The following MICAL1 variants were observed in gnomAD, a reference collection of about 807,000 sequenced individuals.
MICAL1 encodes microtubule associated monooxygenase, calponin and LIM domain containing 1.
In MICAL1, 95 loss-of-function variants were observed where a neutral mutation model predicts 131.8. The ratio of observed to expected loss-of-function variants is 0.72; its 90% CI spans 0.61 to 0.86. MICAL1 has a LOEUF of 0.86. Among genes scored for constraint, MICAL1 ranks in the 40% least tolerant of loss-of-function variants. The probability of loss-of-function intolerance (pLI) is 0.00; values close to 1 mark genes in which losing one functional copy is unlikely to be tolerated. For missense variants in MICAL1, 1,292 were observed against 1,380.6 expected (o/e 0.94, Z 1.02); for synonymous variants, 546 against 554.2 (o/e 0.99, Z 0.21).
intron 7 of MICAL1, among the ~76,000 whole-genome samples, chr6:109,451,346 G>A (rs9480960): frequency 0.016 from 2,429 of 152,156 alleles, 74 homozygotes; most frequent in African/African-American, 0.056. Flanking sequence ...TAGAGACGGG[G>A]TTTCACCATG....
chr6:109,454,722 C>A, intron 1 of MICAL1: 1 of 161,164 alleles, frequency 6.2e-6, no homozygotes, highest in Non-Finnish European at 1.4e-5. Context: ...GCCGGCGCCC[C>A]TTGATGGCCT....
rs370897987 is a variant in MICAL1 at position 109,455,734 on chromosome 6, C to T, written c.-59G>A. ...GACGACTTACCGGCGGCTCCGAAGC[C>T]GGGAGGGGCCGCTTCCTGTTGGGCT... On this transcript the variant is annotated 5_prime_UTR_variant, in exon 1 of 25. Transcript: ENST00000358807. This position sits in a 1 kb window ranked among gnomAD's most constrained non-coding sequence, Gnocchi z 4.7. The T allele has an allele frequency of 4.3e-4, 403 of 947,898 alleles. 1 individual carries two copies. In the African/African-American group the frequency reaches 7.6e-3, roughly 18 times the overall value. 58.7% of individuals were successfully genotyped at this position (947,898 alleles called of 1,614,324 possible). A position where few individuals can be genotyped will look rare whatever the true frequency, so the allele number is the denominator to read the frequency against.
intron 15 of MICAL1, 34 bp from the exon 16 acceptor site, chr6:109,447,474 A>G (rs755168111): frequency 1.9e-6 from 3 of 1,593,912 alleles, no homozygotes; most frequent in Non-Finnish European, 2.6e-6. Flanking sequence ...GGGAGGGTAG[A>G]GGGGCAGGGC....
chr6:109,447,994 T>C (rs1562288839), intron 13 of MICAL1, 31 bp from the exon 14 acceptor site: 1 of 1,575,248 alleles, frequency 6.3e-7, no homozygotes, highest in Admixed American at 1.8e-5. Context: ...TCAGTGTGGA[T>C]GGGGGGTGCC....
In MICAL1 at chr6:109,448,797, C is replaced by T. The variant is rs142979809; in HGVS notation, c.1599G>A (p.Leu533=). ...AGYPGVHVSD[L]SSSWADGLAL... The stretch of plus-strand genomic sequence containing the variant: ...CTAGCCCATCAGCCCAGGAGGAAGA[C>T]AAATCGGAGACGTGGACTCCCGGGT... Residue 533 remains leucine, a synonymous_variant, in exon 12 of 25, where the codon TTG becomes TTA. Transcript: ENST00000358807. 2.6e-3 allele frequency: 4,204 copies of T among 1,614,092 alleles called. 10 individuals carry two copies. Among genetic ancestry groups the T allele is most frequent in the Middle Eastern group, 8.7e-3 (53 of 6,058 alleles).
At chr6:109,458,280 A>G (rs1775806396), upstream of MICAL1, among the ~76,000 whole-genome samples, 1 of 152,122 alleles carries the variant, frequency 6.6e-6, no homozygotes, top group Non-Finnish European at 1.5e-5. Context: ...TAAGTGGGTG[A>G]CACATGAAGT....
chr6:109,448,727 C>A lies in MICAL1; in HGVS notation c.1664+5G>T. 6.2e-7 allele frequency: 1 copy of A among 1,613,900 alleles called. No individual in the cohort carries two copies. The highest frequency in any genetic ancestry group is 1.1e-5 in the South Asian group (1 of 91,088). On this transcript the variant is annotated splice_donor_5th_base_variant and intron_variant, in intron 12 of 24. Coordinates refer to ENST00000358807, the MANE Select transcript of MICAL1 (RefSeq NM_022765.4). ...GAGAGAGAGGTGGGTCTGCCAGGGA[C>A]TCACAGCAGGCCAGGCTGCAGCCGG...
At chr6:109,448,462 G>A in intron 12 of MICAL1, 69 bp from the exon 13 acceptor site, 1 of 1,557,456 alleles carries the variant, frequency 6.4e-7, no homozygotes, top group Non-Finnish European at 8.8e-7. Context: ...AGGAAGGGCA[G>A]CAGGAGGGGA....
At chr6:109,458,743 T>G (rs1775817495), upstream of MICAL1, among the ~76,000 whole-genome samples, 1 of 152,214 alleles carries the variant, frequency 6.6e-6, no homozygotes, top group Non-Finnish European at 1.5e-5. Context: ...TCTTATCTCC[T>G]GGGCCCAGAA....
In MICAL1 at chr6:109,447,108, A is replaced by G; in HGVS notation, c.2192T>C (p.Leu731Pro). The G allele has an allele frequency of 6.2e-7, 1 of 1,614,124 alleles. No homozygotes were observed. Among genetic ancestry groups the G allele is most frequent in the Non-Finnish European group, 8.5e-7 (1 of 1,180,004 alleles). The change falls in exon 17 of 25, where the codon CTG becomes CCG. Residue 731 changes from leucine (L) to proline (P), a missense_variant. Transcript: ENST00000358807. ...CFRCHTCEATLWPGGYEQHPG... is the reference protein window; with the variant it reads ...CFRCHTCEATPWPGGYEQHPG... ...GTGCTGCTCGTAGCCACCTGGCCACAGTGTGGCCTCACAGGTATGGCAGCG... is the reference window on the plus strand; with the variant it reads ...GTGCTGCTCGTAGCCACCTGGCCACGGTGTGGCCTCACAGGTATGGCAGCG...
chr6:109,460,418 C>A (rs1410425342), upstream of MICAL1, among the ~76,000 whole-genome samples: 9 of 143,994 alleles, frequency 6.3e-5, no homozygotes, highest in Non-Finnish European at 9.0e-5. Flanking sequence ...CAGAGCAAGA[C>A]CCTACGTAAA....
At chr6:109,462,326 A>G (rs1174709852) in intron 1 of MICAL1, among the ~76,000 whole-genome samples, 1 of 152,144 alleles carries the variant, frequency 6.6e-6, no homozygotes, top group Non-Finnish European at 1.5e-5. Context: ...GGTATTTGTT[A>G]TGGTAGTCAT....
intron 8 of MICAL1, 78 bp downstream of exon 8, chr6:109,450,222 G>A: frequency 6.4e-7 from 1 of 1,567,466 alleles, no homozygotes; most frequent in South Asian, 1.2e-5. Context: ...TCTGCAGGCA[G>A]ACCTTTTTAT....
At position 109,448,922 on chromosome 6, in the gene MICAL1, A is replaced by T. The variant is rs760541299; in HGVS notation, c.1517-43T>A. The T allele has an allele frequency of 1.9e-6, 3 of 1,607,514 alleles. No individual in the cohort carries two copies. In the South Asian group the frequency reaches 3.3e-5, roughly 18 times the overall value. On this transcript the variant is annotated intron_variant, in intron 11 of 24. Coordinates refer to ENST00000358807, the MANE Select transcript of MICAL1 (RefSeq NM_022765.4). ...GCTGTGCCCAAGGCCCCCTCTGCCC[A>T]TCCCAGGCATATAGGGAGCCCAGCT...
chr6:109,454,368 C>T, intron 1 of MICAL1, 129 bp from the exon 2 acceptor site: 1 of 919,166 alleles, frequency 1.1e-6, no homozygotes, highest in East Asian at 2.7e-5. Flanking sequence ...CTGCTCCTCC[C>T]AGCCCATTCC....
At chr6:109,449,542 T>TAAGGGGGGGC in intron 10 of MICAL1, 61 bp from the exon 11 acceptor site, 2 of 1,606,502 alleles carry the variant, frequency 1.2e-6, no homozygotes, top group Admixed American at 3.3e-5. Flanking sequence ...AGTCCAGGGG[T>TAAGGGGGGGC]AAGGGCCTGC....
intron 24 of MICAL1, 65 bp from the exon 25 acceptor site, chr6:109,444,404 T>A (rs1775114090): frequency 6.2e-7 from 1 of 1,601,212 alleles, no homozygotes; most frequent in Middle Eastern, 1.7e-4. Context: ...GGCCACAACC[T>A]AATCCCAGCC....
upstream of MICAL1, among the ~76,000 whole-genome samples, chr6:109,458,066 C>G (rs2115345762): frequency 6.6e-6 from 1 of 150,864 alleles, no homozygotes; most frequent in Middle Eastern, 3.4e-3. Context: ...CAATGCTGTC[C>G]TAAGAAATGA....
intron 18 of MICAL1, 140 bp from the exon 19 acceptor site, chr6:109,446,552 T>G: frequency 7.3e-7 from 1 of 1,366,004 alleles, no homozygotes; most frequent in Non-Finnish European, 1.0e-6. Context: ...GAACAAGAAG[T>G]GTAAGCAGAC....
Sources: gnomAD v4.1 joint callset for allele counts (sites outside exome capture counted in the v4.1 genomes callset) on GRCh38, gnomAD v4.1.1 for gene constraint, Gnocchi (gnomAD v3.1) non-coding constraint, MANE v1.5 for transcripts, NCBI Gene and HGNC (gene_info 2026-07-23, HGNC 2026-07-21) for gene names.